The following ZNF207 variants were observed in gnomAD, a reference collection of about 807,000 sequenced individuals.
ZNF207 encodes the protein zinc finger protein 207, also known as BUB3-interacting and GLEBS motif-containing protein ZNF207.
Under a neutral mutation model 60.2 loss-of-function variants are expected in ZNF207, and 24 were observed. The observed-to-expected ratio is 0.40, with a 90% confidence interval of 0.29 to 0.56. The LOEUF (loss-of-function observed/expected upper bound fraction) is 0.56. Among genes scored for constraint, ZNF207 ranks in the 20% least tolerant of loss-of-function variants. ZNF207 has a pLI of 0.49. For missense variants in ZNF207, 452 were observed against 636.6 expected, an observed-to-expected ratio of 0.71 and a Z score of 3.12; for synonymous variants, 236 against 194.7, an observed-to-expected ratio of 1.21 and a Z score of -1.77.
At chr17:32,353,432 A>T (rs1904315622) in intron 2 of ZNF207, among the ~76,000 whole-genome samples, 1 of 152,058 alleles carries the variant, frequency 6.6e-6, no homozygotes, top group Non-Finnish European at 1.5e-5. Flanking sequence ...AGGTTTAAAG[A>T]TAAATTTATA....
chr17:32,364,450 T>C (rs1223730397), intron 7 of ZNF207, among the ~76,000 whole-genome samples: 1 of 150,406 alleles, frequency 6.6e-6, no homozygotes, highest in East Asian at 2.0e-4. Flanking sequence ...ATCCGCCTCC[T>C]GGGTTCAAGC....
rs530911833 is a variant in ZNF207 at position 32,374,346 on chromosome 17, T to C, written c.*4587T>C. The C allele has an allele frequency of 6.7e-4, 101 of 150,802 alleles. No individual in the cohort carries two copies. Among genetic ancestry groups the C allele is most frequent in the Non-Finnish European group, 6.6e-4 (45 of 68,122 alleles). 9.3% of individuals were successfully genotyped at this position (150,802 alleles called of 1,614,324 possible). On this transcript the variant is annotated 3_prime_UTR_variant, in exon 12 of 12. Transcript: ENST00000394670. ...GATTCTCCTGTCTCAGCCTCCCGAG[T>C]AGCTGGGACTACAGGTGCTTGCCAC...
chr17:32,351,546 TTGC>T, intron 1 of ZNF207: 1 of 1,529,284 alleles, frequency 6.5e-7, no homozygotes, highest in Non-Finnish European at 8.7e-7. Context: ...ACAAAGTATA[TTGC>T]TGATTATTGA....
At chr17:32,352,062 G>A in intron 2 of ZNF207, 150 bp downstream of exon 2, 2 of 700,398 alleles carry the variant, frequency 2.9e-6, no homozygotes, top group South Asian at 2.6e-5. Context: ...CTGCCTCTCG[G>A]GTTCAAGCTA....
At chr17:32,366,621 T>G in intron 8 of ZNF207, 44 bp from the exon 9 acceptor site, 2 of 1,537,244 alleles carry the variant, frequency 1.3e-6, no homozygotes, top group Non-Finnish European at 1.8e-6. Flanking sequence ...TTTTGACCCA[T>G]TTGTTTGGAG....
rs1905414118 is a variant in ZNF207, at chr17:32,370,414, G to A, written c.*655G>A. On this transcript the variant is annotated 3_prime_UTR_variant, in exon 12 of 12. Transcript: ENST00000394670. ...GTTTGTACAGATGCATGCCACAGTAGATGTCCACATAATAAAATTCATAGT... is the reference window on the plus strand; with the variant it reads ...GTTTGTACAGATGCATGCCACAGTAAATGTCCACATAATAAAATTCATAGT... The A allele has an allele frequency of 2.0e-5, 3 of 152,732 alleles. No homozygotes were observed. Among genetic ancestry groups the A allele is most frequent in the East Asian group, 3.9e-4 (2 of 5,192 alleles). The allele number at this position is 152,732 out of a possible 1,614,324, so 9.5% of individuals were successfully genotyped here.
rs1410856013 is a variant in ZNF207, at chr17:32,357,335, TATTATTATTA to T, written c.169-1167_169-1158del. Among the ~76,000 whole-genome samples the T allele has an allele frequency of 9.7e-4, 90 of 92,874 alleles. 2 individuals are homozygous for T. The highest frequency in any genetic ancestry group is 3.7e-3 in the African/African-American group (88 of 23,600). 60.9% of individuals were successfully genotyped at this position (92,874 alleles called of 152,430 possible). ...TAATTATTATTATTATTATTATTAT[TATTATTATTA>T]TTATTATTTTTTTTTTTTTTTGAGA... On this transcript the variant is annotated intron_variant, in intron 2 of 11. Transcript: ENST00000394670.
In ZNF207 at chr17:32,373,531, C is replaced by T; in HGVS notation, c.*3772C>T. On this transcript the variant is annotated 3_prime_UTR_variant, in exon 12 of 12. Transcript: ENST00000394670. The stretch of plus-strand genomic sequence containing the variant: ...TTGGATATTTATGTCCCCAAACTTG[C>T]AGCAAGTTTGGTGAAGGCCCCTAAA... The T allele has an allele frequency of 2.1e-6, 1 of 466,588 alleles. No individual in the cohort carries two copies. The highest frequency in any genetic ancestry group is 3.9e-6 in the Non-Finnish European group (1 of 259,660). 28.9% of individuals were successfully genotyped at this position (466,588 alleles called of 1,614,324 possible).
At position 32,369,620 on chromosome 17, in the gene ZNF207, A is replaced by G; in HGVS notation, c.1346A>G (p.Gln449Arg). ...PPHGQYGGHH[Q>R]GMPGYLPGAM... ...TTAGGTCAGTATGGTGGTCATCATC[A>G]AGGCATGCCAGGATACCTTCCTGGT... Residue 449 changes from glutamine to arginine, a missense_variant, in exon 12 of 12, where the codon CAA (glutamine) becomes CGA (arginine). Gln to Arg is a conservative substitution (Grantham distance 43). Transcript: ENST00000394670. The G allele has an allele frequency of 6.4e-7, 1 of 1,566,208 alleles. No homozygotes were observed. The highest frequency in any genetic ancestry group is 8.7e-7 in the Non-Finnish European group (1 of 1,155,202).
At position 32,361,517 on chromosome 17, in the gene ZNF207, T is replaced by C; in HGVS notation, c.599+2T>C. The C allele has an allele frequency of 6.2e-7, 1 of 1,607,030 alleles. No individual in the cohort carries two copies. Among genetic ancestry groups the C allele is most frequent in the Non-Finnish European group, 8.5e-7 (1 of 1,176,290 alleles). The stretch of plus-strand genomic sequence containing the variant: ...CCAGTCATTTTGCGGTGAAAACATG[T>C]AAGCATCTCATTCATAATGTAATTC... On this transcript the variant is annotated splice_donor_variant, in intron 6 of 11. Coordinates refer to ENST00000394670, the MANE Select transcript of ZNF207 (RefSeq NM_001098507.2). LOFTEE classifies it high-confidence loss of function.
At chr17:32,357,181 TAA>T (rs78618463) in intron 2 of ZNF207, among the ~76,000 whole-genome samples, 98 of 141,540 alleles carry the variant, frequency 6.9e-4, no homozygotes, top group Admixed American at 7.1e-4. Context: ...GACCCTGTCT[TAA>T]AAAAAAAAAA....
intron 1 of ZNF207, chr17:32,351,535 G>C (rs1370001317): frequency 1.3e-6 from 2 of 1,520,960 alleles, no homozygotes; most frequent in Non-Finnish European, 1.8e-6. Context: ...ACAGGAATTT[G>C]ACAAAGTATA....
At chr17:32,360,182 C>CA (rs1045351696) in intron 3 of ZNF207, among the ~76,000 whole-genome samples, 18 of 110,516 alleles carry the variant, frequency 1.6e-4, no homozygotes, top group African/African-American at 3.1e-4. Flanking sequence ...CTTTACCCCC[C>CA]CCCCAAAAAA....
intron 5 of ZNF207, 43 bp downstream of exon 5, chr17:32,361,010 A>G (rs1904850355): frequency 1.9e-6 from 3 of 1,588,852 alleles, no homozygotes; most frequent in Non-Finnish European, 2.6e-6. Context: ...TGTGCCTAGT[A>G]ATGATCTTTT....
chr17:32,362,942 C>A lies in ZNF207; in HGVS notation c.628C>A (p.Pro210Thr). The A allele has an allele frequency of 1.2e-6, 2 of 1,613,320 alleles. No homozygotes were observed. Among genetic ancestry groups the A allele is most frequent in the Non-Finnish European group, 1.7e-6 (2 of 1,179,960 alleles). ...IMMPMGGMMPPGPGIPPLMPG... is the reference protein window; with the variant it reads ...IMMPMGGMMPTGPGIPPLMPG... The stretch of plus-strand genomic sequence containing the variant: ...GATGCCAATGGGTGGAATGATGCCA[C>A]CTGGACCAGGAATACCACCTCTGAT... Residue 210 changes from proline (P) to threonine (T), a missense_variant, in exon 7 of 12, where the codon CCT becomes ACT. Pro to Thr is a conservative substitution (Grantham distance 38, BLOSUM62 -1). Transcript: ENST00000394670.
chr17:32,356,764 A>C (rs1277338247), intron 2 of ZNF207, among the ~76,000 whole-genome samples: 1 of 152,212 alleles, frequency 6.6e-6, no homozygotes, highest in African/African-American at 2.4e-5. Flanking sequence ...GAAGAAACCA[A>C]GACTGGCAGG....
At chr17:32,354,759 G>T (rs560473850) in intron 2 of ZNF207, among the ~76,000 whole-genome samples, 1 of 151,862 alleles carries the variant, frequency 6.6e-6, no homozygotes, top group South Asian at 2.1e-4. Context: ...GATTACAGAC[G>T]CCTGCCATTG....
At position 32,381,215 on chromosome 17, in the gene ZNF207, G is replaced by A. The variant is rs899876781; in HGVS notation, c.*11456G>A. On this transcript the variant is annotated 3_prime_UTR_variant, in exon 12 of 12. Coordinates refer to ENST00000394670, the MANE Select transcript of ZNF207 (RefSeq NM_001098507.2). ...GGACCTGTCTGTCAGGTCAATCTTC[G>A]GTCTTCACTTTTACTGGCAAGGGAT... The A allele has an allele frequency of 6.6e-6, 1 of 152,144 alleles. No individual in the cohort carries two copies. Among genetic ancestry groups the A allele is most frequent in the Non-Finnish European group, 1.5e-5 (1 of 68,026 alleles). 9.4% of individuals were successfully genotyped at this position (152,144 alleles called of 1,614,324 possible). A position where few individuals can be genotyped will look rare whatever the true frequency, so the allele number is the denominator to read the frequency against.
At chr17:32,352,362 T>TA (rs531415065) in intron 2 of ZNF207, among the ~76,000 whole-genome samples, 264 of 151,642 alleles carry the variant, frequency 1.7e-3, no homozygotes, top group Non-Finnish European at 2.1e-3. Flanking sequence ...CAATCAGCAT[T>TA]AAAAAAAACA....
Sources: gnomAD v4.1 joint callset for allele counts (sites outside exome capture counted in the v4.1 genomes callset) on GRCh38, gnomAD v4.1.1 for gene constraint, MANE v1.5 for transcripts, NCBI Gene and HGNC (gene_info 2026-07-23, HGNC 2026-07-21) for gene names.